The following TBC1D8 variants were observed in gnomAD, a reference collection of about 807,000 sequenced individuals.
TBC1D8 encodes the protein BUB2-like protein 1.
TBC1D8 carries 65 observed loss-of-function variants against 118.8 expected under a neutral mutation model. The observed-to-expected ratio is 0.55, with a 90% CI of 0.45 to 0.67. The LOEUF (loss-of-function observed/expected upper bound fraction) is 0.67, where lower values mean the gene tolerates loss of function less well. Among genes scored for constraint, TBC1D8 ranks in the 30% least tolerant of loss-of-function variants. The pLI, the probability that TBC1D8 is intolerant of heterozygous loss-of-function variation, is 0.00. For missense variants in TBC1D8, 1,376 were observed against 1,471.2 expected, an observed-to-expected ratio of 0.94 and a Z score of 1.06; for synonymous variants, 566 against 595.8, an observed-to-expected ratio of 0.95 and a Z score of 0.73.
Position 101,032,290 on chromosome 2 carries a change from A to G in TBC1D8, c.1914T>C (p.Asp638=), listed in dbSNP as rs1680714020. Residue 638 remains aspartate, a synonymous_variant, in exon 11 of 20, where the codon GAT becomes GAC. Coordinates refer to ENST00000409318, the MANE Select transcript of TBC1D8 (RefSeq NM_001330348.2). ...LVAVCERMLP[D]YFNHRVIGAQ... is the part of the protein sequence containing the mutation. ...TACCGATCACTCGGTGGTTGAAGTA[A>G]TCGGGCAGCATCCGCTCACACACAG... 6.2e-7 allele frequency: 1 copy of G among 1,613,668 alleles called. No individual in the cohort carries two copies. Among genetic ancestry groups the G allele is most frequent in the African/African-American group, 1.3e-5 (1 of 74,848 alleles).
At chr2:101,075,962 G>C (rs1187105102) in intron 2 of TBC1D8, among the ~76,000 whole-genome samples, 1 of 152,130 alleles carries the variant, frequency 6.6e-6, no homozygotes, top group Admixed American at 6.5e-5. Context: ...GAAATGCTAA[G>C]AGCAGGGATT....
chr2:101,134,201 A>T (rs62152490), intron 1 of TBC1D8, among the ~76,000 whole-genome samples: 3,050 of 42,834 alleles, frequency 0.071, 46 homozygotes, highest in African/African-American at 0.18. Flanking sequence ...TCTCTCTCAC[A>T]CACACACACA....
At chr2:101,078,226 C>G (rs1032023860) in intron 2 of TBC1D8, among the ~76,000 whole-genome samples, 1 of 152,216 alleles carries the variant, frequency 6.6e-6, no homozygotes, top group Admixed American at 6.5e-5. Context: ...ATATTAAACT[C>G]TTTATTGCAA....
At chr2:101,138,641 T>C (rs1448412684) in intron 1 of TBC1D8, among the ~76,000 whole-genome samples, 3 of 152,068 alleles carry the variant, frequency 2.0e-5, no homozygotes, top group Non-Finnish European at 4.4e-5. Flanking sequence ...ATAAAGAATA[T>C]GATCAAGGAT....
intron 5 of TBC1D8, among the ~76,000 whole-genome samples, chr2:101,044,353 C>G (rs112463045): frequency 6.6e-6 from 1 of 152,186 alleles, no homozygotes; most frequent in Non-Finnish European, 1.5e-5. Flanking sequence ...GAGAAATCCT[C>G]GAGAAATCAG....
chr2:101,108,738 A>C, intron 1 of TBC1D8, among the ~76,000 whole-genome samples: 2 of 131,732 alleles, frequency 1.5e-5, no homozygotes, highest in African/African-American at 2.9e-5. Context: ...ACCCACCATT[A>C]CTCCAGGATA....
chr2:101,089,976 G>A (rs1324958589), intron 2 of TBC1D8, among the ~76,000 whole-genome samples: 1 of 149,636 alleles, frequency 6.7e-6, no homozygotes, highest in Non-Finnish European at 1.5e-5. Context: ...TGAGAGGGAG[G>A]GGCAGAAAGG....
chr2:101,049,655 G>A (rs190908662), intron 5 of TBC1D8, among the ~76,000 whole-genome samples: 2 of 151,842 alleles, frequency 1.3e-5, no homozygotes, highest in Non-Finnish European at 2.9e-5. Flanking sequence ...TTGAACCTGA[G>A]AGGCAGAGGT....
chr2:101,144,757 G>A (rs1679252850), intron 1 of TBC1D8, among the ~76,000 whole-genome samples: 2 of 152,038 alleles, frequency 1.3e-5, no homozygotes, highest in African/African-American at 4.8e-5. Flanking sequence ...GGCAACAATG[G>A]TGAAACCCTG....
In TBC1D8 at chr2:101,007,878, G is replaced by GAGAT. The variant is rs754892119; in HGVS notation, c.3407_3410dup (p.Lys1138SerfsTer5). The GAGAT allele has an allele frequency of 6.2e-7, 1 of 1,613,608 alleles. No individual in the cohort carries two copies. Among genetic ancestry groups the GAGAT allele is most frequent in the Non-Finnish European group, 8.5e-7 (1 of 1,179,894 alleles). On this transcript the variant is annotated frameshift_variant, in exon 20 of 20. Coordinates refer to ENST00000409318, the MANE Select transcript of TBC1D8 (RefSeq NM_001330348.2). LOFTEE classifies it high-confidence loss of function. ...ATTGGTGGCTCATTTCAAAAGTTTTGAGATTGTACTGATTGATCTTGGCAT... is the reference window on the plus strand; with the variant it reads ...ATTGGTGGCTCATTTCAAAAGTTTTGAGATAGATTGTACTGATTGATCTTGGCAT...
chr2:101,049,984 A>G (rs1201869010), intron 5 of TBC1D8, among the ~76,000 whole-genome samples: 1 of 151,438 alleles, frequency 6.6e-6, no homozygotes, highest in Non-Finnish European at 1.5e-5. Context: ...CTGCCACCAC[A>G]CCCAGCCAAT....
chr2:101,016,625 G>A (rs897175033), intron 17 of TBC1D8, among the ~76,000 whole-genome samples: 39 of 152,158 alleles, frequency 2.6e-4, no homozygotes, highest in Admixed American at 7.9e-4. Context: ...ACATGCACAC[G>A]TATGTTTATT....
intron 11 of TBC1D8, chr2:101,030,105 T>G: frequency 5.5e-6 from 1 of 183,474 alleles, no homozygotes; most frequent in Non-Finnish European, 1.1e-5. Context: ...ACTGTAAAAT[T>G]TTTAGAAGAG....
intron 10 of TBC1D8, chr2:101,032,683 TCAAG>T: frequency 1.9e-5 from 6 of 320,828 alleles, no homozygotes; most frequent in Non-Finnish European, 1.8e-5. Context: ...CGCTGTTTGT[TCAAG>T]CAGACACACA....
In TBC1D8 at chr2:101,072,877, C is replaced by T. The variant is rs1347353019; in HGVS notation, c.284-13338G>A. 3.9e-5 allele frequency among the ~76,000 whole-genome samples: 6 copies of T among 152,232 alleles called. No homozygotes were observed. The East Asian group carries it at 9.6e-4, about 24-fold the overall frequency. On this transcript the variant is annotated intron_variant, in intron 2 of 19. Transcript: ENST00000409318. ...AGCCATTCAAGAGGGATCTGCCCCC[C>T]GACCCAAACACTTCCCACTAGGCCC...
rs768857004 is a variant in TBC1D8, at chr2:101,008,292, TTAGG to T, written c.3016-23_3016-20del. The T allele has an allele frequency of 3.1e-5, 47 of 1,500,602 alleles. No individual in the cohort carries two copies. The highest frequency in any genetic ancestry group is 3.5e-5 in the Non-Finnish European group (40 of 1,127,518). 93.0% of individuals were successfully genotyped at this position (1,500,602 alleles called of 1,614,324 possible). A position where few individuals can be genotyped will look rare whatever the true frequency, so the allele number is the denominator to read the frequency against. ...ATTCTCTCTGAAATTGAAATAAGTCTTAGGTAGCAGCAGAACCAGGGTGGAAGTG... is the reference window on the plus strand; with the variant it reads ...ATTCTCTCTGAAATTGAAATAAGTCTTAGCAGCAGAACCAGGGTGGAAGTG... On this transcript the variant is annotated intron_variant, in intron 19 of 19. Transcript: ENST00000409318.
intron 3 of TBC1D8, among the ~76,000 whole-genome samples, chr2:101,059,111 G>A (rs112493491): frequency 0.25 from 38,109 of 151,476 alleles, 5,668 homozygotes; most frequent in Middle Eastern, 0.35. Flanking sequence ...GTTTTACCGT[G>A]TTAGCCAGGA....
chr2:101,034,048 T>C (rs1189146197), intron 9 of TBC1D8, among the ~76,000 whole-genome samples: 1 of 151,964 alleles, frequency 6.6e-6, no homozygotes, highest in Non-Finnish European at 1.5e-5. Flanking sequence ...CCTGTAAACC[T>C]AGCTACTCAG....
rs780277353 is a variant in TBC1D8 at position 101,007,856 on chromosome 2, G to C, written c.3433C>G (p.Gln1145Glu). The C allele has an allele frequency of 8.7e-6, 14 of 1,612,520 alleles. No individual in the cohort carries two copies. In the East Asian group the frequency reaches 8.9e-5, roughly 10 times the overall value. Residue 1145 changes from glutamine to glutamate, a missense_variant, in exon 20 of 20, where the codon CAA (glutamine) becomes GAA (glutamate). Physicochemically the swap from Gln to Glu is conservative, Grantham distance 29. Coordinates refer to ENST00000409318, the MANE Select transcript of TBC1D8 (RefSeq NM_001330348.2). Reference protein sequence around the residue: ...YNLKTFEMSHQSQSELKLSNL With the variant: ...YNLKTFEMSHESQSELKLSNL Reference sequence around the variant, plus strand: ...CTCAGCTTAAGTTCAGATTGTGATTGGTGGCTCATTTCAAAAGTTTTGAGA... The same window carrying C: ...CTCAGCTTAAGTTCAGATTGTGATTCGTGGCTCATTTCAAAAGTTTTGAGA...
Sources: allele counts gnomAD v4.1 joint callset (sites outside exome capture counted in the v4.1 genomes callset), GRCh38; gene constraint gnomAD v4.1.1; transcripts MANE v1.5; gene names NCBI Gene and HGNC (gene_info 2026-07-23, HGNC 2026-07-21).